OCIAD1: variants seen among roughly 807,000 people sequenced by gnomAD.
OCIAD1 encodes the protein OCIA domain-containing protein 1.
In OCIAD1, 29 loss-of-function variants were observed where a neutral mutation model predicts 38.9. The ratio of observed to expected loss-of-function variants is 0.74; its 90% CI spans 0.55 to 1.02. OCIAD1 has a LOEUF of 1.02. Among genes scored for constraint, OCIAD1 ranks in the 50% least tolerant of loss-of-function variants. The pLI is 0.00. For missense variants in OCIAD1, 288 were observed against 289.6 expected (o/e 0.99, Z 0.04); for synonymous variants, 110 against 92.0 (o/e 1.20, Z -1.12).
intron 1 of OCIAD1, chr4:48,831,611 C>T: frequency 3.3e-6 from 4 of 1,194,846 alleles, no homozygotes; most frequent in Non-Finnish European, 3.3e-6. Context: ...TTGTCTTAAG[C>T]GCCGTGTCAG....
At chr4:48,849,344 C>T (rs2109581466) in intron 5 of OCIAD1, among the ~76,000 whole-genome samples, 1 of 152,116 alleles carries the variant, frequency 6.6e-6, no homozygotes, top group African/African-American at 2.4e-5. Context: ...AGCTACATTG[C>T]TCTTCAAAAG....
intron 3 of OCIAD1, among the ~76,000 whole-genome samples, chr4:48,838,731 CACTT>C (rs1229076994): frequency 2.0e-5 from 3 of 152,282 alleles, no homozygotes; most frequent in East Asian, 3.9e-4. Context: ...TATAAAAAAG[CACTT>C]ACTAAGGTAA....
chr4:48,832,955 GA>G (rs1189282461), intron 2 of OCIAD1, among the ~76,000 whole-genome samples: 1 of 152,002 alleles, frequency 6.6e-6, no homozygotes, highest in Non-Finnish European at 1.5e-5. Context: ...AAAGTTTGTT[GA>G]AAGTGTATAA....
At chr4:48,833,610 T>G in intron 3 of OCIAD1, 129 bp downstream of exon 3, 1 of 607,532 alleles carries the variant, frequency 1.6e-6, no homozygotes, top group Non-Finnish European at 2.9e-6. Flanking sequence ...ATAGTGTGGT[T>G]GTTGTTAAAA....
chr4:48,839,281 C>G (rs1042305752), intron 3 of OCIAD1, among the ~76,000 whole-genome samples: 1 of 151,982 alleles, frequency 6.6e-6, no homozygotes, highest in African/African-American at 2.4e-5. Flanking sequence ...ACTAAAAATA[C>G]AAAAATTAGC....
At chr4:48,858,860 C>CTA (rs1780339418) in intron 8 of OCIAD1, among the ~76,000 whole-genome samples, 1 of 152,176 alleles carries the variant, frequency 6.6e-6, no homozygotes, top group Non-Finnish European at 1.5e-5. Context: ...TTTGGAATAG[C>CTA]TATACATTAG....
At chr4:48,844,842 C>T (rs542281030) in intron 4 of OCIAD1, among the ~76,000 whole-genome samples, 49 of 152,248 alleles carry the variant, frequency 3.2e-4, no homozygotes, top group African/African-American at 1.1e-3. Context: ...TACTGTAAAT[C>T]ATCTCTAGAT....
chr4:48,821,526 G>C (rs1777193932), intron 1 of OCIAD1, among the ~76,000 whole-genome samples: 1 of 152,132 alleles, frequency 6.6e-6, no homozygotes, highest in Non-Finnish European at 1.5e-5. Flanking sequence ...ATTTAACGTA[G>C]TATTGGAAGT....
At chr4:48,835,082 C>T (rs1448011362) in intron 3 of OCIAD1, among the ~76,000 whole-genome samples, 3 of 152,024 alleles carry the variant, frequency 2.0e-5, no homozygotes, top group Admixed American at 6.6e-5. Flanking sequence ...TACAGGCGTG[C>T]GCCACCATGC....
At chr4:48,826,555 C>T (rs1379890770), upstream of OCIAD1, among the ~76,000 whole-genome samples, 1 of 151,990 alleles carries the variant, frequency 6.6e-6, no homozygotes, top group East Asian at 1.9e-4. Context: ...TGGTTCTTTC[C>T]CTTTGCCAAT....
intron 4 of OCIAD1, among the ~76,000 whole-genome samples, chr4:48,846,926 G>C (rs1306744041): frequency 6.6e-6 from 1 of 152,170 alleles, no homozygotes; most frequent in Admixed American, 6.5e-5. Flanking sequence ...TCTGAACTGT[G>C]CATTGATAAT....
intron 4 of OCIAD1, 45 bp downstream of exon 4, chr4:48,842,734 G>C (rs1778648761): frequency 9.6e-7 from 1 of 1,046,714 alleles, no homozygotes; most frequent in East Asian, 2.6e-5. Flanking sequence ...TGGATACCAT[G>C]TTTGTTTTGT....
intron 3 of OCIAD1, among the ~76,000 whole-genome samples, chr4:48,834,668 G>A (rs1326093973): frequency 6.6e-6 from 1 of 152,170 alleles, no homozygotes; most frequent in Non-Finnish European, 1.5e-5. Context: ...CCATTTGGGA[G>A]GCTGAGGCTG....
Position 48,860,798 on chromosome 4 carries a change from T to C in OCIAD1, c.*36T>C. The C allele has an allele frequency of 1.3e-6, 2 of 1,489,282 alleles. No homozygotes were observed. The highest frequency in any genetic ancestry group is 1.9e-6 in the Non-Finnish European group (2 of 1,067,804). 92.3% of individuals were successfully genotyped at this position (1,489,282 alleles called of 1,614,324 possible). A position where few individuals can be genotyped will look rare whatever the true frequency, so the allele number is the denominator to read the frequency against. On this transcript the variant is annotated 3_prime_UTR_variant, in exon 9 of 9. Coordinates refer to ENST00000264312, the MANE Select transcript of OCIAD1 (RefSeq NM_017830.4). ...CATTGGACATGAAGGAGTTTCAACA[T>C]CCAGCTTCATCTAGGTGGTCATGAT...
At chr4:48,826,701 G>A (rs1777255663), upstream of OCIAD1, among the ~76,000 whole-genome samples, 1 of 152,090 alleles carries the variant, frequency 6.6e-6, no homozygotes, top group Non-Finnish European at 1.5e-5. Context: ...CAATTATTAT[G>A]TCAATTAAAA....
At chr4:48,805,492 C>T (rs1282832962) in intron 1 of OCIAD1, among the ~76,000 whole-genome samples, 6 of 152,130 alleles carry the variant, frequency 3.9e-5, no homozygotes, top group Admixed American at 1.3e-4. Context: ...AGATGGTAAG[C>T]AATTTGAATC....
intron 3 of OCIAD1, among the ~76,000 whole-genome samples, chr4:48,842,167 T>C (rs965705277): frequency 2.0e-5 from 3 of 152,234 alleles, no homozygotes; most frequent in East Asian, 1.9e-4. Context: ...ATCTACCTTA[T>C]AGAAATATGA....
At chr4:48,832,862 C>T in intron 2 of OCIAD1, 180 bp downstream of exon 2, 1 of 596,960 alleles carries the variant, frequency 1.7e-6, no homozygotes, top group Non-Finnish European at 3.0e-6. Flanking sequence ...TAAGGAGTCC[C>T]ACGTTTTTAT....
chr4:48,815,269 C>T (rs527589355), intron 1 of OCIAD1, among the ~76,000 whole-genome samples: 9 of 152,056 alleles, frequency 5.9e-5, no homozygotes, highest in Non-Finnish European at 1.0e-4. Context: ...TCTGAGGTCG[C>T]GCCACACTCC....
Sources: gnomAD v4.1 joint callset for allele counts (sites outside exome capture counted in the v4.1 genomes callset) on GRCh38, gnomAD v4.1.1 for gene constraint, MANE v1.5 for transcripts, NCBI Gene and HGNC (gene_info 2026-07-23, HGNC 2026-07-21) for gene names.